The following FSD1L variants were observed in gnomAD, a reference collection of about 807,000 sequenced individuals.
FSD1L encodes the protein fibronectin type III and SPRY domain containing 1 like.
Under a neutral mutation model 71.6 loss-of-function variants are expected in FSD1L, and 45 were observed. The ratio of observed to expected loss-of-function variants is 0.63; its 90% CI spans 0.49 to 0.81. FSD1L has a LOEUF of 0.81. Among genes scored for constraint, FSD1L ranks in the 30% least tolerant of loss-of-function variants. The pLI, the probability that FSD1L is intolerant of heterozygous loss-of-function variation, is 0.00. For synonymous variants in FSD1L, 197 were observed against 207.2 expected (o/e 0.95, Z 0.42); for missense variants, 561 against 618.1 (o/e 0.91, Z 0.98).
chr9:105,522,375 C>T, intron 10 of FSD1L: 1 of 1,614,048 alleles, frequency 6.2e-7, no homozygotes, highest in Non-Finnish European at 8.5e-7. Flanking sequence ...ACATGAATTT[C>T]AGAAAGTTTC....
intron 10 of FSD1L, among the ~76,000 whole-genome samples, chr9:105,528,312 C>T (rs936293021): frequency 6.6e-6 from 1 of 151,022 alleles, no homozygotes; most frequent in Non-Finnish European, 1.5e-5. Context: ...TATGGAACCG[C>T]CCGCATAGAG....
chr9:105,496,201 G>A (rs1833388753), intron 7 of FSD1L, among the ~76,000 whole-genome samples: 1 of 135,574 alleles, frequency 7.4e-6, no homozygotes, highest in Non-Finnish European at 1.6e-5. Context: ...GATGACTGTA[G>A]CTTTTTTTTT....
chr9:105,487,868 A>G (rs1832658463), intron 7 of FSD1L, among the ~76,000 whole-genome samples: 1 of 152,226 alleles, frequency 6.6e-6, no homozygotes, highest in Admixed American at 6.5e-5. Flanking sequence ...TTTAAAAATA[A>G]ACTGTAGTTT....
chr9:105,489,116 G>A (rs552432943), intron 7 of FSD1L, among the ~76,000 whole-genome samples: 6 of 152,126 alleles, frequency 3.9e-5, no homozygotes, highest in African/African-American at 1.4e-4. Context: ...CAGAAACTAA[G>A]GAAAATGTGT....
At chr9:105,477,138 T>C (rs1420756174) in intron 5 of FSD1L, among the ~76,000 whole-genome samples, 1 of 152,200 alleles carries the variant, frequency 6.6e-6, no homozygotes, top group African/African-American at 2.4e-5. Flanking sequence ...TTTTACCTTA[T>C]TAAATTTAGT....
At position 105,483,456 on chromosome 9, in the gene FSD1L, A is replaced by G. The variant is rs966074821; in HGVS notation, c.465-925A>G. ...TCCTTCCCCTTCCAAATTGTGTACT[A>G]GGAGGACAGTGTTCACCTGTAGTAC... On this transcript the variant is annotated intron_variant, in intron 6 of 13. Transcript: ENST00000481272. Among the ~76,000 whole-genome samples the G allele has an allele frequency of 4.6e-5, 7 of 152,274 alleles. 1 individual carries two copies. The South Asian group carries it at 1.2e-3, about 27-fold the overall frequency.
intron 10 of FSD1L, among the ~76,000 whole-genome samples, chr9:105,517,035 G>T (rs1834770874): frequency 6.6e-6 from 1 of 152,132 alleles, no homozygotes; most frequent in African/African-American, 2.4e-5. Context: ...GCAAACAAAA[G>T]TATCAATAGC....
intron 2 of FSD1L, among the ~76,000 whole-genome samples, chr9:105,462,216 T>G (rs904445190): frequency 2.0e-5 from 3 of 151,600 alleles, no homozygotes; most frequent in African/African-American, 7.3e-5. Flanking sequence ...TTTTTTAAGT[T>G]TTGTTTTTTT....
intron 1 of FSD1L, among the ~76,000 whole-genome samples, chr9:105,453,262 A>T (rs975373295): frequency 6.6e-6 from 1 of 151,798 alleles, no homozygotes; most frequent in Non-Finnish European, 1.5e-5. Flanking sequence ...GCTCACTGCA[A>T]CCTCTGCTTC....
rs1291428275 is a variant in FSD1L at position 105,523,421 on chromosome 9, G to T, written c.1025+10485G>T. 3.7e-6 allele frequency: 6 copies of T among 1,603,548 alleles called. No individual in the cohort carries two copies. In the East Asian group the frequency reaches 1.3e-4, roughly 36 times the overall value. ...TGGCAGGAGGTACTCTGACTGGATG[G>T]CATGCTGATGTTGCTACTGTAATGT... On this transcript the variant is annotated intron_variant, in intron 10 of 13. Coordinates refer to ENST00000481272, the MANE Select transcript of FSD1L (RefSeq NM_001145313.3).
intron 7 of FSD1L, among the ~76,000 whole-genome samples, chr9:105,493,705 A>G (rs530199218): frequency 2.0e-5 from 3 of 152,250 alleles, no homozygotes; most frequent in African/African-American, 4.8e-5. Flanking sequence ...GGTGGTGACA[A>G]AATCTCTCAG....
intron 7 of FSD1L, among the ~76,000 whole-genome samples, chr9:105,491,752 A>G (rs547511769): frequency 6.6e-6 from 1 of 152,256 alleles, no homozygotes; most frequent in South Asian, 2.1e-4. Flanking sequence ...ATCTATTGAG[A>G]TAATCATGTG....
intron 7 of FSD1L, among the ~76,000 whole-genome samples, chr9:105,488,911 C>G (rs142425136): frequency 1.3e-5 from 2 of 150,184 alleles, no homozygotes; most frequent in East Asian, 3.9e-4. Context: ...ATACTGCTAA[C>G]ACAAACCGTG....
intron 8 of FSD1L, among the ~76,000 whole-genome samples, chr9:105,507,172 T>A (rs1834105640): frequency 6.6e-6 from 1 of 152,254 alleles, no homozygotes; most frequent in African/African-American, 2.4e-5. Flanking sequence ...TCACTGATAA[T>A]GTAAATACTG....
At position 105,549,431 on chromosome 9, in the gene FSD1L, CAG is replaced by C. The variant is rs1171483389; in HGVS notation, c.*2950_*2951del. ...ACCAAGCATTAATAACTAATGCACACAGAAATTTAATATACAGCAATTCTTTG... is the reference window on the plus strand; with the variant it reads ...ACCAAGCATTAATAACTAATGCACACAAATTTAATATACAGCAATTCTTTG... On this transcript the variant is annotated 3_prime_UTR_variant, in exon 14 of 14. Transcript: ENST00000481272. The C allele has an allele frequency of 5.3e-5, 8 of 151,988 alleles. No individual in the cohort carries two copies. The East Asian group carries it at 1.5e-3, about 29-fold the overall frequency. The allele number at this position is 151,988 out of a possible 1,614,324, so 9.4% of individuals were successfully genotyped here.
chr9:105,503,468 AT>A (rs1324041198), intron 7 of FSD1L, among the ~76,000 whole-genome samples: 5 of 152,300 alleles, frequency 3.3e-5, no homozygotes, highest in Admixed American at 3.3e-4. Context: ...ATGCATTGAA[AT>A]TTTGACTTTA....
intron 1 of FSD1L, among the ~76,000 whole-genome samples, chr9:105,457,229 A>G (rs1450609045): frequency 6.6e-6 from 1 of 152,248 alleles, no homozygotes; most frequent in Admixed American, 6.5e-5. Context: ...GGTAGAAAGC[A>G]AGTCAGATTA....
intron 7 of FSD1L, among the ~76,000 whole-genome samples, chr9:105,491,830 T>C (rs1832962354): frequency 6.6e-6 from 1 of 152,212 alleles, no homozygotes; most frequent in South Asian, 2.1e-4. Flanking sequence ...GAACCAGCCT[T>C]GCATCCCAGG....
intron 10 of FSD1L, chr9:105,521,889 G>T: frequency 1.2e-6 from 2 of 1,612,328 alleles, no homozygotes; most frequent in Non-Finnish European, 1.7e-6. Context: ...ACCTGCAAAT[G>T]AAATAAAAAA....
Sources: allele counts gnomAD v4.1 joint callset (sites outside exome capture counted in the v4.1 genomes callset), GRCh38; gene constraint gnomAD v4.1.1; transcripts MANE v1.5; gene names NCBI Gene and HGNC (gene_info 2026-07-23, HGNC 2026-07-21).